Variants in WDR70 observed in about 807,000 individuals in gnomAD.
WDR70 encodes WD repeat-containing protein 70.
In WDR70, 53 loss-of-function variants were observed where a neutral mutation model predicts 88.6. That is an observed-to-expected ratio of 0.60 (90% confidence interval 0.48 to 0.75). WDR70 has a LOEUF of 0.75. Among genes scored for constraint, WDR70 ranks in the 30% least tolerant of loss-of-function variants. The pLI, the probability that WDR70 is intolerant of heterozygous loss-of-function variation, is 0.00. For synonymous variants in WDR70, 280 were observed against 270.0 expected (o/e 1.04, Z -0.36); for missense variants, 610 against 823.2 (o/e 0.74, Z 3.17).
intron 13 of WDR70, among the ~76,000 whole-genome samples, chr5:37,709,867 C>G (rs1394344991): frequency 6.6e-6 from 1 of 152,088 alleles, no homozygotes; most frequent in East Asian, 1.9e-4. Flanking sequence ...TGGGGAATTT[C>G]CTAAAGCAAG....
intron 5 of WDR70, among the ~76,000 whole-genome samples, chr5:37,401,528 G>T (rs1194815774): frequency 6.6e-6 from 1 of 151,944 alleles, no homozygotes; most frequent in African/African-American, 2.4e-5. Flanking sequence ...TGTTGGCCAG[G>T]CTGGTCTTGA....
chr5:37,423,993 AC>A (rs1365996400), intron 5 of WDR70, among the ~76,000 whole-genome samples: 6 of 150,152 alleles, frequency 4.0e-5, no homozygotes, highest in Non-Finnish European at 8.9e-5. Flanking sequence ...TACTAAAAAT[AC>A]AAAAATTAGC....
intron 5 of WDR70, among the ~76,000 whole-genome samples, chr5:37,416,204 A>G (rs1045242111): frequency 1.2e-4 from 19 of 152,280 alleles, no homozygotes; most frequent in African/African-American, 4.6e-4. Flanking sequence ...ACGCCACTGC[A>G]CTCCAGCCTG....
intron 8 of WDR70, among the ~76,000 whole-genome samples, chr5:37,490,286 G>C (rs1019678477): frequency 3.9e-4 from 59 of 152,160 alleles, no homozygotes; most frequent in African/African-American, 1.4e-3. Flanking sequence ...AGTGTCCTTG[G>C]GTGGTGGTTG....
chr5:37,587,602 C>G (rs778520550), intron 9 of WDR70, among the ~76,000 whole-genome samples: 1 of 151,972 alleles, frequency 6.6e-6, no homozygotes. Context: ...CTCTCTTCCC[C>G]ATTAGGTTAT....
At chr5:37,396,649 T>G (rs1749023289) in intron 5 of WDR70, 79 bp downstream of exon 5, 2 of 1,447,452 alleles carry the variant, frequency 1.4e-6, no homozygotes, top group Non-Finnish European at 1.8e-6. Context: ...AAACTGTTTT[T>G]CATGAGTAAG....
intron 9 of WDR70, among the ~76,000 whole-genome samples, chr5:37,592,667 A>G (rs1743566193): frequency 6.6e-6 from 1 of 152,206 alleles, no homozygotes; most frequent in Non-Finnish European, 1.5e-5. Flanking sequence ...GGGATGTTCA[A>G]TCTGAAATAC....
intron 5 of WDR70, among the ~76,000 whole-genome samples, chr5:37,409,202 G>A (rs956393803): frequency 6.6e-6 from 1 of 152,130 alleles, no homozygotes; most frequent in Non-Finnish European, 1.5e-5. Context: ...GCCTCCTAAA[G>A]TGCTGGGATT....
At chr5:37,624,800 A>G (rs1194180784) in intron 10 of WDR70, among the ~76,000 whole-genome samples, 2 of 152,194 alleles carry the variant, frequency 1.3e-5, no homozygotes, top group African/African-American at 4.8e-5. Flanking sequence ...TAGACTGGGG[A>G]AACTCAGGAG....
At chr5:37,724,590 G>A (rs776049661) in intron 15 of WDR70, 4 of 206,856 alleles carry the variant, frequency 1.9e-5, no homozygotes, top group Non-Finnish European at 3.9e-5. Flanking sequence ...TTTGGGTCCT[G>A]TAAGAAAAAA....
At chr5:37,573,601 A>G (rs1346075527) in intron 9 of WDR70, among the ~76,000 whole-genome samples, 1 of 139,494 alleles carries the variant, frequency 7.2e-6, no homozygotes, top group African/African-American at 2.7e-5. Context: ...TCATTGTTCA[A>G]TTCCCACCTA....
At chr5:37,670,478 A>T (rs569504969) in intron 10 of WDR70, among the ~76,000 whole-genome samples, 2 of 152,352 alleles carry the variant, frequency 1.3e-5, no homozygotes, top group South Asian at 4.1e-4. Context: ...CATCTTGATA[A>T]AAAGAACAGC....
rs754822879 is a variant in WDR70 at position 37,381,701 on chromosome 5, A to G, written c.175+16A>G. On this transcript the variant is annotated intron_variant, in intron 3 of 17. Coordinates refer to ENST00000265107, the MANE Select transcript of WDR70 (RefSeq NM_018034.4). ...AAAACACTGGGTAAGAAGCTCAGAT[A>G]TTTGTTCTTTTATTGGTTTAAGTAC... The G allele has an allele frequency of 1.9e-6, 3 of 1,605,428 alleles. No individual in the cohort carries two copies. The East Asian group carries it at 6.7e-5, about 36-fold the overall frequency.
chr5:37,706,579 C>T (rs796795677), intron 13 of WDR70, among the ~76,000 whole-genome samples: 7 of 152,284 alleles, frequency 4.6e-5, no homozygotes, highest in African/African-American at 1.7e-4. Context: ...TAAGACGTGC[C>T]TTTGCCCCTC....
chr5:37,653,676 A>G (rs1188652684), intron 10 of WDR70, among the ~76,000 whole-genome samples: 2 of 152,174 alleles, frequency 1.3e-5, no homozygotes, highest in African/African-American at 4.8e-5. Context: ...GGGAGGGTGT[A>G]TGTGTCCAAG....
intron 10 of WDR70, among the ~76,000 whole-genome samples, chr5:37,606,096 A>G (rs1162193978): frequency 2.0e-5 from 3 of 152,172 alleles, no homozygotes; most frequent in Admixed American, 6.5e-5. Context: ...TTTTCATTCT[A>G]GTTAAATATA....
At chr5:37,466,640 A>G (rs1355471666) in intron 7 of WDR70, among the ~76,000 whole-genome samples, 2 of 128,698 alleles carry the variant, frequency 1.6e-5, no homozygotes, top group Non-Finnish European at 3.1e-5. Context: ...TGGGAGGCAG[A>G]GTTTGCAGTA....
At chr5:37,584,418 A>G (rs977149598) in intron 9 of WDR70, among the ~76,000 whole-genome samples, 1 of 152,234 alleles carries the variant, frequency 6.6e-6, no homozygotes, top group African/African-American at 2.4e-5. Context: ...CTAAAGTAAT[A>G]TTGACTTCAT....
At chr5:37,702,910 G>C in intron 12 of WDR70, 39 bp from the exon 13 acceptor site, 2 of 1,581,750 alleles carry the variant, frequency 1.3e-6, no homozygotes, top group East Asian at 2.3e-5. Flanking sequence ...CTGTTGTGGA[G>C]GTCATAAGCT....
Sources: allele counts gnomAD v4.1 joint callset (sites outside exome capture counted in the v4.1 genomes callset), GRCh38; gene constraint gnomAD v4.1.1; transcripts MANE v1.5; gene names NCBI Gene and HGNC (gene_info 2026-07-23, HGNC 2026-07-21).